Variants in RASSF8 observed in about 807,000 individuals in gnomAD.
RASSF8 encodes the protein Ras association domain family member 8.
In RASSF8, 22 loss-of-function variants were observed where a neutral mutation model predicts 48.5. The observed-to-expected ratio is 0.45, with a 90% CI of 0.32 to 0.65. RASSF8 has a LOEUF of 0.65. Ranked by LOEUF, RASSF8 falls within the 30% of genes least tolerant of loss-of-function variation. RASSF8 has a pLI of 0.03. For synonymous variants in RASSF8, 127 were observed against 171.5 expected (o/e 0.74, Z 2.03); for missense variants, 418 against 489.2 (o/e 0.85, Z 1.37).
Position 26,068,940 on chromosome 12 carries a change from CT to C in RASSF8, c.*123del. On this transcript the variant is annotated 3_prime_UTR_variant, in exon 6 of 6. Transcript: ENST00000689635. Reference sequence around the variant, plus strand: ...CAAGACGCTGTATGTTTTTTCTCTCCTAAATTGCATACCACTTGGAGCCATA... The same window carrying C: ...CAAGACGCTGTATGTTTTTTCTCTCCAAATTGCATACCACTTGGAGCCATA... The C allele has an allele frequency of 6.9e-7, 1 of 1,446,724 alleles. No homozygotes were observed. The highest frequency in any genetic ancestry group is 9.1e-7 in the Non-Finnish European group (1 of 1,101,894). 89.6% of individuals were successfully genotyped at this position (1,446,724 alleles called of 1,614,324 possible).
intron 2 of RASSF8, among the ~76,000 whole-genome samples, chr12:26,001,106 T>G (rs901319411): frequency 1.3e-5 from 2 of 148,156 alleles, no homozygotes; most frequent in African/African-American, 4.9e-5. Context: ...CGCTTCAGCC[T>G]ATCGAGTAGC....
Position 26,036,145 on chromosome 12 carries a change from A to T in RASSF8, c.-108-19091A>T, listed in dbSNP as rs535576141. On this transcript the variant is annotated intron_variant, in intron 2 of 5. Coordinates refer to ENST00000689635, the MANE Select transcript of RASSF8 (RefSeq NM_001394098.1). ...TCACTCATTCATCTCTTTAATATTAATCTACATCTGGGCCTCTCTTGCTTA... is the reference window on the plus strand; with the variant it reads ...TCACTCATTCATCTCTTTAATATTATTCTACATCTGGGCCTCTCTTGCTTA... Among the ~76,000 whole-genome samples the T allele has an allele frequency of 2.7e-4, 41 of 151,718 alleles. 1 individual carries two copies. The highest frequency in any genetic ancestry group is 1.2e-3 in the South Asian group (6 of 4,810).
chr12:25,972,597 T>C (rs1354170421), intron 1 of RASSF8, among the ~76,000 whole-genome samples: 1 of 152,194 alleles, frequency 6.6e-6, no homozygotes, highest in African/African-American at 2.4e-5. Context: ...TAAATCCTTT[T>C]CTTTTTATAA....
At chr12:25,966,088 T>G (rs1941353711) in intron 1 of RASSF8, among the ~76,000 whole-genome samples, 1 of 152,214 alleles carries the variant, frequency 6.6e-6, no homozygotes, top group Admixed American at 6.5e-5. Context: ...GGTGTATGCT[T>G]AGCTTTTTAA....
chr12:26,031,582 A>T lies in RASSF8; in HGVS notation c.-108-23654A>T, dbSNP rs10505988. On this transcript the variant is annotated intron_variant, in intron 2 of 5. Transcript: ENST00000689635. ...GAGAGGTGTAAGCAACTATAAAATT[A>T]TAAGGACCTGAGATGATAAAGGTTT... 4.1e-3 allele frequency among the ~76,000 whole-genome samples: 630 copies of T among 152,322 alleles called. 5 individuals are homozygous for T. Among genetic ancestry groups the T allele is most frequent in the Middle Eastern group, 0.024 (7 of 294 alleles).
At position 26,072,601 on chromosome 12, in the gene RASSF8, A is replaced by G. The variant is rs1279648226; in HGVS notation, c.*3783A>G. 3.0e-6 allele frequency: 3 copies of G among 985,212 alleles called. No homozygotes were observed. The highest frequency in any genetic ancestry group is 1.1e-4 in the East Asian group (1 of 8,824). The allele number at this position is 985,212 out of a possible 1,614,324, so 61.0% of individuals were successfully genotyped here. On this transcript the variant is annotated 3_prime_UTR_variant, in exon 6 of 6. Transcript: ENST00000689635. ...GTGATAGCCCTAAATGTATTTCTCA[A>G]TATGTTTTTCTTTATTGACCCTAGG...
intron 2 of RASSF8, among the ~76,000 whole-genome samples, chr12:26,028,126 T>C (rs1181701625): frequency 6.6e-6 from 1 of 152,250 alleles, no homozygotes; most frequent in Non-Finnish European, 1.5e-5. Flanking sequence ...GGATGAATTA[T>C]AATTAAAAGA....
chr12:26,062,480 C>T (rs1943765443), intron 3 of RASSF8, among the ~76,000 whole-genome samples: 1 of 152,162 alleles, frequency 6.6e-6, no homozygotes, highest in Non-Finnish European at 1.5e-5. Flanking sequence ...TCAGAACCAC[C>T]TTGTCAGATA....
chr12:25,963,799 C>T (rs934071855), intron 1 of RASSF8, among the ~76,000 whole-genome samples: 5 of 152,074 alleles, frequency 3.3e-5, no homozygotes, highest in African/African-American at 4.8e-5. Context: ...TGGGTGCTCT[C>T]GAAGAGGAGG....
intron 2 of RASSF8, among the ~76,000 whole-genome samples, chr12:26,006,439 A>G (rs1942393653): frequency 1.3e-5 from 2 of 152,250 alleles, no homozygotes; most frequent in African/African-American, 4.8e-5. Flanking sequence ...ACTAAATTAT[A>G]TATGTAAAGG....
At chr12:26,000,012 AAT>A (rs1942218967) in intron 2 of RASSF8, among the ~76,000 whole-genome samples, 1 of 152,214 alleles carries the variant, frequency 6.6e-6, no homozygotes, top group African/African-American at 2.4e-5. Flanking sequence ...TTGTAAGTTG[AAT>A]ATAACTCCAA....
chr12:26,057,717 TG>T (rs1199009716), intron 3 of RASSF8, among the ~76,000 whole-genome samples: 1 of 152,242 alleles, frequency 6.6e-6, no homozygotes. Context: ...TCTTCCACAA[TG>T]GTTGAACTAG....
At chr12:26,022,828 G>A (rs1032001942) in intron 2 of RASSF8, among the ~76,000 whole-genome samples, 1 of 152,000 alleles carries the variant, frequency 6.6e-6, no homozygotes, top group Non-Finnish European at 1.5e-5. Context: ...TGCAACTTCC[G>A]CCTCCCGGGT....
intron 3 of RASSF8, among the ~76,000 whole-genome samples, chr12:26,057,788 T>C (rs1437737249): frequency 6.6e-6 from 1 of 152,226 alleles, no homozygotes; most frequent in Non-Finnish European, 1.5e-5. Flanking sequence ...CTCCAGCATC[T>C]GTTGTTTCCT....
intron 2 of RASSF8, among the ~76,000 whole-genome samples, chr12:26,028,431 G>A (rs1393811749): frequency 6.6e-6 from 1 of 152,186 alleles, no homozygotes; most frequent in Non-Finnish European, 1.5e-5. Flanking sequence ...CTACTAGGCT[G>A]CTAAGTACCT....
At chr12:25,967,242 G>C (rs1033394976) in intron 1 of RASSF8, among the ~76,000 whole-genome samples, 1 of 152,124 alleles carries the variant, frequency 6.6e-6, no homozygotes, top group Non-Finnish European at 1.5e-5. Flanking sequence ...AATAGCCTTT[G>C]TGGAAGGCTT....
chr12:26,075,496 C>T (rs539497028), downstream of RASSF8, among the ~76,000 whole-genome samples: 316 of 152,234 alleles, frequency 2.1e-3, 2 homozygotes, highest in African/African-American at 7.3e-3. Context: ...TCTCATCATC[C>T]AGTATGTTGG....
intron 2 of RASSF8, among the ~76,000 whole-genome samples, chr12:26,010,947 G>A (rs1361925814): frequency 1.3e-5 from 2 of 152,100 alleles, no homozygotes; most frequent in Non-Finnish European, 2.9e-5. Flanking sequence ...TCGTTTTTAA[G>A]TGTTGTAAGG....
chr12:26,022,566 A>G (rs1447748607), intron 2 of RASSF8, among the ~76,000 whole-genome samples: 1 of 152,232 alleles, frequency 6.6e-6, no homozygotes, highest in Non-Finnish European at 1.5e-5. Flanking sequence ...AGGTCAGAGG[A>G]AACCATCCTT....
Sources: allele counts gnomAD v4.1 joint callset (sites outside exome capture counted in the v4.1 genomes callset), GRCh38; gene constraint gnomAD v4.1.1; transcripts MANE v1.5; gene names NCBI Gene and HGNC (gene_info 2026-07-23, HGNC 2026-07-21).